Variants in PRP4K observed in about 807,000 individuals in gnomAD.
PRP4K encodes the protein serine/threonine-protein kinase PRP4 homolog.
the PRP4K span, chr6:4,060,531 T>C: frequency 1.9e-6 from 3 of 1,613,830 alleles, no homozygotes; most frequent in Admixed American, 3.3e-5. This position sits in a 1 kb window ranked among gnomAD's most constrained non-coding sequence, Gnocchi z 4.7. Flanking sequence ...AAGGACTTGT[T>C]GGACCAGATT....
chr6:4,041,683 C>CTTA, the PRP4K span, among the ~76,000 whole-genome samples: 1 of 152,032 alleles, frequency 6.6e-6, no homozygotes, highest in Non-Finnish European at 1.5e-5. Context: ...GAGGACATTT[C>CTTA]TTGTGATTGT....
At chr6:4,032,565 C>T in the PRP4K span, 1 of 1,613,452 alleles carries the variant, frequency 6.2e-7, no homozygotes, top group Non-Finnish European at 8.5e-7. Context: ...TGGTCGTAGT[C>T]CTAAAAGAAG....
chr6:4,031,527 A>G, the PRP4K span: 6 of 1,376,322 alleles, frequency 4.4e-6, no homozygotes, highest in East Asian at 1.2e-4. Flanking sequence ...GATAAATGAT[A>G]TGATTTTAAA....
the PRP4K span, among the ~76,000 whole-genome samples, chr6:4,053,899 G>GT: frequency 3.1e-4 from 31 of 100,724 alleles, 1 homozygote; most frequent in African/African-American, 9.8e-4. Flanking sequence ...TTTTTCTTTT[G>GT]TTTTTTTTGT....
At chr6:4,036,335 C>G in the PRP4K span, among the ~76,000 whole-genome samples, 1 of 152,150 alleles carries the variant, frequency 6.6e-6, no homozygotes, top group Non-Finnish European at 1.5e-5. Flanking sequence ...AATCCTCCCA[C>G]TTGAGCCTCC....
chr6:4,031,893 G>A, the PRP4K span: 1 of 1,614,072 alleles, frequency 6.2e-7, no homozygotes, highest in Non-Finnish European at 8.5e-7. Context: ...TGAGTTAATG[G>A]AAGGAAAGGT....
chr6:4,062,609 C>T, the PRP4K span: 1 of 152,502 alleles, frequency 6.6e-6, no homozygotes, highest in South Asian at 2.1e-4. The surrounding 1 kb of genome is among the most constrained non-coding windows in gnomAD (Gnocchi z 4.2). Context: ...AATGGAAAAT[C>T]AGAATAGCAG....
At chr6:4,044,552 G>A in the PRP4K span, among the ~76,000 whole-genome samples, 1 of 152,144 alleles carries the variant, frequency 6.6e-6, no homozygotes. Flanking sequence ...GTGTCATTAT[G>A]TGCTTGATGT....
chr6:4,024,664 G>A, the PRP4K span, among the ~76,000 whole-genome samples: 20 of 152,194 alleles, frequency 1.3e-4, no homozygotes, highest in African/African-American at 2.6e-4. Context: ...GTGCAGTAGC[G>A]CAATCTTGGC....
At chr6:4,023,556 C>T in the PRP4K span, among the ~76,000 whole-genome samples, 3 of 151,976 alleles carry the variant, frequency 2.0e-5, no homozygotes, top group Non-Finnish European at 4.4e-5. Context: ...TGTTTTTTTC[C>T]ACTGTCCCAG....
the PRP4K span, chr6:4,049,129 C>G: frequency 6.4e-7 from 1 of 1,567,236 alleles, no homozygotes; most frequent in Admixed American, 1.7e-5. Context: ...TTTATATTAA[C>G]TTTAGAGTTC....
At chr6:4,037,573 A>G in the PRP4K span, 1 of 1,611,668 alleles carries the variant, frequency 6.2e-7, no homozygotes, top group African/African-American at 1.3e-5. Flanking sequence ...CGGAGAAGGT[A>G]AAGACATTTC....
At chr6:4,033,347 AATT>A in the PRP4K span, among the ~76,000 whole-genome samples, 1 of 152,114 alleles carries the variant, frequency 6.6e-6, no homozygotes, top group African/African-American at 2.4e-5. Context: ...TAGTATATGA[AATT>A]ATTTTGTACT....
At chr6:4,056,669 A>G in the PRP4K span, 1 of 1,559,908 alleles carries the variant, frequency 6.4e-7, no homozygotes, top group Non-Finnish European at 8.6e-7. Flanking sequence ...ACTTTAGAAG[A>G]CTGCTCTTGA....
At chr6:4,055,677 G>A in the PRP4K span, among the ~76,000 whole-genome samples, 1 of 152,144 alleles carries the variant, frequency 6.6e-6, no homozygotes, top group East Asian at 1.9e-4. Flanking sequence ...CTATTACTGT[G>A]TATGTTGAAG....
the PRP4K span, chr6:4,058,843 G>C: frequency 1.3e-6 from 2 of 1,520,240 alleles, no homozygotes; most frequent in Admixed American, 1.8e-5. Flanking sequence ...GCATGCAATA[G>C]TTATTTTATT....
chr6:4,027,601 G>T, the PRP4K span, among the ~76,000 whole-genome samples: 2 of 122,146 alleles, frequency 1.6e-5, no homozygotes, highest in Non-Finnish European at 3.5e-5. Flanking sequence ...GCGGAGGGGT[G>T]GGGGGGTGGG....
the PRP4K span, among the ~76,000 whole-genome samples, chr6:4,037,136 A>G: frequency 6.6e-6 from 1 of 152,178 alleles, no homozygotes; most frequent in South Asian, 2.1e-4. Context: ...TGAAATTAGA[A>G]TCAGTGACTT....
the PRP4K span, among the ~76,000 whole-genome samples, chr6:4,030,457 C>T: frequency 6.6e-6 from 1 of 152,104 alleles, no homozygotes; most frequent in Non-Finnish European, 1.5e-5. Flanking sequence ...TAATTTAAGG[C>T]CACTTTTGGT....
Sources: allele counts gnomAD v4.1 joint callset (sites outside exome capture counted in the v4.1 genomes callset), GRCh38; gene constraint gnomAD v4.1.1; non-coding constraint Gnocchi (gnomAD v3.1); transcripts MANE v1.5; gene names NCBI Gene and HGNC (gene_info 2026-07-23, HGNC 2026-07-21).